The following CFHR5 variants were observed in gnomAD, a reference collection of about 807,000 sequenced individuals.
The protein encoded by CFHR5 is complement factor H-related protein 5.
CFHR5 carries 73 observed loss-of-function variants against 62.9 expected under a neutral mutation model. The ratio of observed to expected loss-of-function variants is 1.16; its 90% CI spans 0.96 to 1.41. The LOEUF is 1.41. Ranked by LOEUF, CFHR5 falls within the 40% of genes most tolerant of loss-of-function variation. CFHR5 has a pLI of 0.00. For synonymous variants in CFHR5, 249 were observed against 227.2 expected (o/e 1.10, Z -0.86); for missense variants, 779 against 679.9 (o/e 1.15, Z -1.62).
chr1:196,987,551 T>G (rs371808417), intron 3 of CFHR5, among the ~76,000 whole-genome samples: 7 of 152,072 alleles, frequency 4.6e-5, no homozygotes, highest in South Asian at 2.1e-4. Flanking sequence ...AAGGTGTAAG[T>G]AAGGGATCCA....
Position 196,995,841 on chromosome 1 carries a change from CG to C in CFHR5, c.735del (p.Pro246LeufsTer21). On this transcript the variant is annotated frameshift_variant, in exon 5 of 10. Transcript: ENST00000256785. LOFTEE classifies it high-confidence loss of function. ...YDCNPNFIIN[G>X]PKKIQCVDGE... ...ATTGCAATCCTAATTTTATAATAAA[CG>C]GGCCTAAGAAAATACAATGTGTGGA... The C allele has an allele frequency of 6.2e-7, 1 of 1,612,992 alleles. No individual in the cohort carries two copies. The highest frequency in any genetic ancestry group is 8.5e-7 in the Non-Finnish European group (1 of 1,179,186).
At chr1:196,981,531 T>G (rs1251985705) in intron 1 of CFHR5, among the ~76,000 whole-genome samples, 1 of 145,590 alleles carries the variant, frequency 6.9e-6, no homozygotes, top group Admixed American at 6.7e-5. Context: ...CAAGAAAAAA[T>G]AGAGTCAAAA....
intron 7 of CFHR5, among the ~76,000 whole-genome samples, chr1:197,000,259 A>T (rs1654117538): frequency 6.6e-6 from 1 of 152,078 alleles, no homozygotes. Context: ...TTAGGTGGCA[A>T]ATATTTGTTA....
intron 1 of CFHR5, among the ~76,000 whole-genome samples, chr1:196,980,500 A>G (rs894335143): frequency 1.3e-5 from 2 of 152,100 alleles, no homozygotes; most frequent in Admixed American, 6.5e-5. Flanking sequence ...TTTCAGCTAC[A>G]TTATAATCTT....
chr1:196,999,853 C>T (rs1654100858), intron 7 of CFHR5, among the ~76,000 whole-genome samples: 2 of 145,206 alleles, frequency 1.4e-5, no homozygotes, highest in East Asian at 2.0e-4. Flanking sequence ...TATGTATATC[C>T]TAAAAAGCTA....
At chr1:196,986,730 G>A (rs1653692281) in intron 3 of CFHR5, among the ~76,000 whole-genome samples, 1 of 152,138 alleles carries the variant, frequency 6.6e-6, no homozygotes, top group Admixed American at 6.6e-5. Context: ...AGTATTCCAT[G>A]GTGTATGTGT....
rs1279941748 is a variant in CFHR5 at position 196,990,510 on chromosome 1, G to A, written c.431-3570G>A. On this transcript the variant is annotated intron_variant, in intron 3 of 9. Transcript: ENST00000256785. ...GCATGTTTTTGCAGGGGCTGGTACCGGTTGTTCTTTTTCATGTTTAGTGCT... is the reference window on the plus strand; with the variant it reads ...GCATGTTTTTGCAGGGGCTGGTACCAGTTGTTCTTTTTCATGTTTAGTGCT... 5.3e-5 allele frequency among the ~76,000 whole-genome samples: 8 copies of A among 152,100 alleles called. No homozygotes were observed. In the South Asian group the frequency reaches 6.2e-4, roughly 12 times the overall value.
chr1:196,980,887 A>C (rs1185513988), intron 1 of CFHR5, among the ~76,000 whole-genome samples: 1 of 152,132 alleles, frequency 6.6e-6, no homozygotes, highest in East Asian at 1.9e-4. Context: ...TATGCATGAA[A>C]ATCAAGTACT....
chr1:196,978,046 CA>C (rs1653443799), intron 1 of CFHR5, among the ~76,000 whole-genome samples: 1 of 152,084 alleles, frequency 6.6e-6, no homozygotes, highest in Non-Finnish European at 1.5e-5. Context: ...ATAAACTCTG[CA>C]ATGCCACTGA....
chr1:196,983,206 T>A, intron 2 of CFHR5, 127 bp downstream of exon 2: 1 of 1,218,654 alleles, frequency 8.2e-7, no homozygotes, highest in Non-Finnish European at 1.2e-6. Flanking sequence ...ATGGGAGATG[T>A]AGTCCTCCTA....
upstream of CFHR5, among the ~76,000 whole-genome samples, chr1:196,976,799 C>CTTTTTTTTTTTTTTTTTTTTTTTTTT (rs10588279): frequency 5.1e-5 from 5 of 98,142 alleles, no homozygotes; most frequent in African/African-American, 1.9e-4. Context: ...AAAAATTATT[C>CTTTTTTTTTTTTTTTTTTTTTTTTTT]TTTTTTTTTT....
intron 3 of CFHR5, among the ~76,000 whole-genome samples, chr1:196,990,841 T>C (rs1422309376): frequency 1.3e-5 from 2 of 152,180 alleles, no homozygotes; most frequent in Non-Finnish European, 2.9e-5. Context: ...ATCTGACAAT[T>C]ATGTGTCCTG....
At chr1:196,983,225 C>A in intron 2 of CFHR5, 146 bp downstream of exon 2, 4 of 998,956 alleles carry the variant, frequency 4.0e-6, no homozygotes, top group Non-Finnish European at 4.7e-6. Context: ...TATTTTGAGA[C>A]CCCTCCTATG....
At chr1:196,983,453 T>G (rs1418510036) in intron 2 of CFHR5, among the ~76,000 whole-genome samples, 5 of 152,238 alleles carry the variant, frequency 3.3e-5, no homozygotes, top group African/African-American at 1.2e-4. Flanking sequence ...TCTTGCATAT[T>G]GCGAGGTAAG....
rs376292941 is a variant in CFHR5 at position 196,994,154 on chromosome 1, G to C, written c.505G>C (p.Asp169His). 8.1e-6 allele frequency: 13 copies of C among 1,613,418 alleles called. No individual in the cohort carries two copies. The highest frequency in any genetic ancestry group is 1.1e-5 in the Non-Finnish European group (13 of 1,179,684). Residue 169 changes from aspartate (D) to histidine (H), a missense_variant, in exon 4 of 10, where the codon GAC becomes CAC. Asp to His is a moderately conservative substitution (Grantham distance 81, BLOSUM62 -1). Transcript: ENST00000256785. ...QPKKESYKVG[D>H]VLKFSCRKNL... Reference sequence around the variant, plus strand: ...AAAAAAAGAAAGCTACAAAGTTGGAGACGTGTTGAAATTCTCCTGCAGAAA... The same window carrying C: ...AAAAAAAGAAAGCTACAAAGTTGGACACGTGTTGAAATTCTCCTGCAGAAA...
At chr1:197,000,790 A>G (rs1259541201) in intron 7 of CFHR5, among the ~76,000 whole-genome samples, 1 of 152,284 alleles carries the variant, frequency 6.6e-6, no homozygotes, top group East Asian at 1.9e-4. Flanking sequence ...TACTTAAACC[A>G]CCAAACAGAA....
intron 5 of CFHR5, 39 bp from the exon 6 acceptor site, chr1:196,995,983 A>G (rs1282927707): frequency 7.5e-6 from 12 of 1,604,938 alleles, no homozygotes; most frequent in Non-Finnish European, 1.0e-5. Context: ...GATTTAAAAT[A>G]TTTTCAGAGT....
upstream of CFHR5, among the ~76,000 whole-genome samples, chr1:196,976,313 G>T (rs1019295638): frequency 1.3e-5 from 2 of 152,114 alleles, no homozygotes; most frequent in Non-Finnish European, 2.9e-5. Context: ...CTCTCAGGCT[G>T]GGCACTTTGT....
chr1:196,998,007 A>C, intron 6 of CFHR5, 121 bp from the exon 7 acceptor site: 1 of 642,522 alleles, frequency 1.6e-6, no homozygotes, highest in Non-Finnish European at 2.6e-6. Flanking sequence ...ATTTTGTGCA[A>C]TGAGATTAAG....
Sources: allele counts gnomAD v4.1 joint callset (sites outside exome capture counted in the v4.1 genomes callset), GRCh38; gene constraint gnomAD v4.1.1; transcripts MANE v1.5; gene names NCBI Gene and HGNC (gene_info 2026-07-23, HGNC 2026-07-21).